Variants in KIAA0825 observed in about 807,000 individuals in gnomAD.
The protein encoded by KIAA0825 is uncharacterized protein KIAA0825.
A neutral mutation model predicts 147.6 loss-of-function variants in KIAA0825; 119 were observed. That is an observed-to-expected ratio of 0.81 (90% CI 0.69 to 0.94). The LOEUF (loss-of-function observed/expected upper bound fraction) is 0.94. Among genes scored for constraint, KIAA0825 ranks in the 40% least tolerant of loss-of-function variants. The pLI, the probability that KIAA0825 is intolerant of heterozygous loss-of-function variation, is 0.00. For missense variants in KIAA0825, 1,381 were observed against 1,472.7 expected (o/e 0.94, Z 1.02); for synonymous variants, 470 against 518.1 (o/e 0.91, Z 1.26).
intron 15 of KIAA0825, among the ~76,000 whole-genome samples, chr5:94,405,936 A>AT (rs1023649815): frequency 8.0e-5 from 12 of 150,010 alleles, no homozygotes; most frequent in Non-Finnish European, 1.3e-4. Context: ...TTTTATTTTT[A>AT]TTTTTTTTTG....
chr5:94,365,271 C>T lies in KIAA0825; in HGVS notation c.3710+19097G>A, dbSNP rs191608407. Reference sequence around the variant, plus strand: ...CCTATTAAACCTCCGCTCCTAAACCCACTTCTTGTGTTTGCGTCCTCAATT... The same window carrying T: ...CCTATTAAACCTCCGCTCCTAAACCTACTTCTTGTGTTTGCGTCCTCAATT... On this transcript the variant is annotated intron_variant, in intron 20 of 20. Coordinates refer to ENST00000682413, the MANE Select transcript of KIAA0825 (RefSeq NM_001145678.3). Among the ~76,000 whole-genome samples, 644 of 152,318 alleles carry T rather than the reference C, an allele frequency of 4.2e-3. 2 individuals are homozygous for T. The highest frequency in any genetic ancestry group is 7.1e-3 in the Admixed American group (108 of 15,298).
intron 20 of KIAA0825, among the ~76,000 whole-genome samples, chr5:94,176,807 AC>A (rs201134619): frequency 0.014 from 2,153 of 152,114 alleles, 25 homozygotes; most frequent in Non-Finnish European, 0.023. Flanking sequence ...GAACAACCTA[AC>A]CCTGTTTTAT....
At chr5:94,609,945 A>T (rs947891456) in intron 1 of KIAA0825, among the ~76,000 whole-genome samples, 1 of 152,224 alleles carries the variant, frequency 6.6e-6, no homozygotes, top group African/African-American at 2.4e-5. Flanking sequence ...CCTTGGAAGA[A>T]CTGAACTGCC....
intron 20 of KIAA0825, among the ~76,000 whole-genome samples, chr5:94,203,761 C>A (rs191503889): frequency 3.9e-5 from 6 of 152,222 alleles, no homozygotes; most frequent in African/African-American, 1.4e-4. Flanking sequence ...TCATCTCCTT[C>A]CCATATATTT....
chr5:94,456,524 A>G (rs1562515305), intron 12 of KIAA0825, among the ~76,000 whole-genome samples: 1 of 152,194 alleles, frequency 6.6e-6, no homozygotes. Flanking sequence ...CAAAGGTTAT[A>G]TAGAGGTAGT....
At chr5:94,534,660 GT>G (rs1771603519) in intron 3 of KIAA0825, among the ~76,000 whole-genome samples, 1 of 152,032 alleles carries the variant, frequency 6.6e-6, no homozygotes, top group Admixed American at 6.6e-5. Flanking sequence ...AAAATACAAT[GT>G]TTTAATCACT....
chr5:94,276,553 T>A (rs1489432176), intron 20 of KIAA0825, among the ~76,000 whole-genome samples: 1 of 151,974 alleles, frequency 6.6e-6, no homozygotes, highest in African/African-American at 2.4e-5. Flanking sequence ...GATGGGGGCG[T>A]ACCAAAAAAA....
chr5:94,416,378 A>G (rs1356775808), intron 15 of KIAA0825: 1 of 152,162 alleles, frequency 6.6e-6, no homozygotes, highest in Non-Finnish European at 1.5e-5. Flanking sequence ...GATCTTTTAT[A>G]TGGAGCCTAG....
intron 20 of KIAA0825, among the ~76,000 whole-genome samples, chr5:94,355,619 AT>A (rs1784159421): frequency 6.6e-6 from 1 of 152,164 alleles, no homozygotes; most frequent in South Asian, 2.1e-4. Flanking sequence ...ATGCCTTACA[AT>A]TTTTTGTACA....
chr5:94,418,877 C>G (rs1162980658), intron 14 of KIAA0825, among the ~76,000 whole-genome samples: 1 of 151,938 alleles, frequency 6.6e-6, no homozygotes, highest in Non-Finnish European at 1.5e-5. Flanking sequence ...AGCCCTCCCA[C>G]CCCCTTTTAT....
intron 20 of KIAA0825, among the ~76,000 whole-genome samples, chr5:94,375,261 G>A (rs1393198547): frequency 6.6e-6 from 1 of 151,910 alleles, no homozygotes; most frequent in Non-Finnish European, 1.5e-5. Context: ...TTGATCTCCT[G>A]ACCTCGTGAT....
chr5:94,174,006 G>C (rs1316325033), intron 20 of KIAA0825, among the ~76,000 whole-genome samples: 3 of 152,140 alleles, frequency 2.0e-5, no homozygotes, highest in African/African-American at 7.2e-5. Flanking sequence ...ATGAAATGTG[G>C]AATACATCAC....
intron 3 of KIAA0825, among the ~76,000 whole-genome samples, chr5:94,536,693 C>T (rs924644579): frequency 2.6e-5 from 4 of 152,166 alleles, no homozygotes; most frequent in Admixed American, 6.5e-5. Flanking sequence ...TACACTCTAA[C>T]CATATTAATG....
intron 5 of KIAA0825, among the ~76,000 whole-genome samples, chr5:94,488,548 GT>G (rs556733063): frequency 1.1e-3 from 165 of 151,790 alleles, no homozygotes; most frequent in African/African-American, 3.6e-3. Context: ...ATAGTTGAGG[GT>G]TTTTTCTTTA....
chr5:94,345,525 C>T (rs1479729333), intron 20 of KIAA0825, among the ~76,000 whole-genome samples: 1 of 151,990 alleles, frequency 6.6e-6, no homozygotes, highest in Non-Finnish European at 1.5e-5. Flanking sequence ...ACTGAAAATT[C>T]TTTCTTTGAA....
intron 13 of KIAA0825, among the ~76,000 whole-genome samples, chr5:94,447,669 T>TAA (rs1435823709): frequency 6.6e-6 from 1 of 152,120 alleles, no homozygotes; most frequent in African/African-American, 2.4e-5. Context: ...CACATCTTGC[T>TAA]AAACTAAATA....
chr5:94,164,800 A>G (rs539500023), intron 20 of KIAA0825, among the ~76,000 whole-genome samples: 9 of 152,286 alleles, frequency 5.9e-5, no homozygotes, highest in Non-Finnish European at 1.3e-4. Context: ...AAAACTGGAT[A>G]TTCATATACA....
At position 94,436,216 on chromosome 5, in the gene KIAA0825, TG is replaced by T. The variant is rs748383857; in HGVS notation, c.2497+3765del. 2.2e-4 allele frequency among the ~76,000 whole-genome samples: 34 copies of T among 152,312 alleles called. 1 individual carries two copies. Among genetic ancestry groups the T allele is most frequent in the Admixed American group, 8.5e-4 (13 of 15,294 alleles). On this transcript the variant is annotated intron_variant, in intron 14 of 20. Transcript: ENST00000682413. ...ATCTTTGCCCATATCTATGCTTGAA[TG>T]GTATTGCCTAGGTTTTCTTCTAGGG...
intron 2 of KIAA0825, among the ~76,000 whole-genome samples, chr5:94,565,367 G>A (rs1264802785): frequency 9.4e-5 from 13 of 138,538 alleles, no homozygotes; most frequent in African/African-American, 3.5e-4. Flanking sequence ...TTTTGAGACA[G>A]AATCTCCTTT....
Sources: gnomAD v4.1 joint callset for allele counts (sites outside exome capture counted in the v4.1 genomes callset) on GRCh38, gnomAD v4.1.1 for gene constraint, MANE v1.5 for transcripts, NCBI Gene and HGNC (gene_info 2026-07-23, HGNC 2026-07-21) for gene names.